The following RAB40B variants were observed in gnomAD, a reference collection of about 807,000 sequenced individuals.
RAB40B encodes the protein RAB40B, member RAS oncogene family.
A neutral mutation model predicts 24.0 loss-of-function variants in RAB40B; 21 were observed. That is an observed-to-expected ratio of 0.88 (90% CI 0.62 to 1.26). The LOEUF is 1.26. Among genes scored for constraint, RAB40B ranks in the 50% most tolerant of loss-of-function variants. The pLI is 0.00. For synonymous variants in RAB40B, 167 were observed against 169.8 expected, an observed-to-expected ratio of 0.98 and a Z score of 0.13; for missense variants, 348 against 390.5, an observed-to-expected ratio of 0.89 and a Z score of 0.92.
At chr17:82,685,048 G>C (rs1178471017) in intron 1 of RAB40B, among the ~76,000 whole-genome samples, 3 of 151,436 alleles carry the variant, frequency 2.0e-5, no homozygotes, top group African/African-American at 4.9e-5. Flanking sequence ...CAAAGGCAGG[G>C]GTTGCAGTGA....
At chr17:82,694,927 C>T (rs1196853722) in intron 1 of RAB40B, among the ~76,000 whole-genome samples, 2 of 151,754 alleles carry the variant, frequency 1.3e-5, no homozygotes, top group African/African-American at 2.4e-5. Context: ...TCTGAAAAAA[C>T]GACTGATAAT....
Position 82,698,659 on chromosome 17 carries a change from C to T in RAB40B, c.-63G>A. 2 of 1,172,106 alleles carry T rather than the reference C, an allele frequency of 1.7e-6. No individual in the cohort carries two copies. The highest frequency in any genetic ancestry group is 2.1e-6 in the Non-Finnish European group (2 of 942,874). The allele number at this position is 1,172,106 out of a possible 1,614,324, so 72.6% of individuals were successfully genotyped here. A position where few individuals can be genotyped will look rare whatever the true frequency, so the allele number is the denominator to read the frequency against. On this transcript the variant is annotated 5_prime_UTR_variant, in exon 1 of 6. Coordinates refer to ENST00000571995, the MANE Select transcript of RAB40B (RefSeq NM_006822.3). ...GGGGCTGAGCGCAGAGGCGGCGGCC[C>T]GGCCCCGAGAGGCGCCGCGCGGGCC...
rs1255210657 is a variant in RAB40B at position 82,667,913 on chromosome 17, G to C, written c.143-3357C>G. 6.6e-6 allele frequency among the ~76,000 whole-genome samples: 1 copy of C among 152,140 alleles called. No homozygotes were observed. Among genetic ancestry groups the C allele is most frequent in the African/African-American group, 2.4e-5 (1 of 41,436 alleles). Reference sequence around the variant, plus strand: ...AGCAGGCACGCTGAGTGCACCGTCTGTCTCTCTCTTCTTGGCATGGGCGCT... The same window carrying C: ...AGCAGGCACGCTGAGTGCACCGTCTCTCTCTCTCTTCTTGGCATGGGCGCT... On this transcript the variant is annotated intron_variant, in intron 1 of 5. Coordinates refer to ENST00000571995, the MANE Select transcript of RAB40B (RefSeq NM_006822.3). This position sits in a 1 kb window ranked among gnomAD's most constrained non-coding sequence, Gnocchi z 4.3.
At chr17:82,698,401 C>T in intron 1 of RAB40B, 54 bp downstream of exon 1, 3 of 1,071,216 alleles carry the variant, frequency 2.8e-6, no homozygotes, top group Non-Finnish European at 3.5e-6. Flanking sequence ...CCCAGCCCCG[C>T]GCCCCTCCCC....
At chr17:82,660,398 CAG>C (rs1555654947) in intron 3 of RAB40B, among the ~76,000 whole-genome samples, 1,528 of 149,722 alleles carry the variant, frequency 0.01, 10 homozygotes, top group Middle Eastern at 0.027. Context: ...CACGCATACA[CAG>C]GGCATGTACC....
At chr17:82,698,227 G>C (rs1375578975) in intron 1 of RAB40B, among the ~76,000 whole-genome samples, 2 of 151,826 alleles carry the variant, frequency 1.3e-5, no homozygotes, top group African/African-American at 4.8e-5. Context: ...CGCAGCACGA[G>C]GGCCAGGGCC....
rs918123956 is a variant in RAB40B, at chr17:82,677,892, A to G, written c.143-13336T>C. Among the ~76,000 whole-genome samples, 13 of 152,304 alleles carry G rather than the reference A, an allele frequency of 8.5e-5. No homozygotes were observed. The South Asian group carries it at 2.7e-3, about 32-fold the overall frequency. On this transcript the variant is annotated intron_variant, in intron 1 of 5. Coordinates refer to ENST00000571995, the MANE Select transcript of RAB40B (RefSeq NM_006822.3). ...CAGCCACAGCCCAGAACGTCTGGAC[A>G]CTGGGCCCAGCGAGCAGCGACCAAA... is the stretch of plus-strand genomic sequence containing the variant.
At chr17:82,686,069 T>TG (rs1238069015) in intron 1 of RAB40B, among the ~76,000 whole-genome samples, 1 of 150,498 alleles carries the variant, frequency 6.6e-6, no homozygotes, top group Middle Eastern at 3.2e-3. Flanking sequence ...CCCAAAGTGC[T>TG]GGGATTACAG....
chr17:82,690,830 G>A (rs1598318477), intron 1 of RAB40B, among the ~76,000 whole-genome samples: 1 of 152,046 alleles, frequency 6.6e-6, no homozygotes, highest in African/African-American at 2.4e-5. Context: ...GAGTGTGCAC[G>A]TGTGTCCAGG....
rs2046616825 is a variant in RAB40B at position 82,697,074 on chromosome 17, CAG to C, written c.142+1379_142+1380del. ...AGCACACTCTGCACCCACCAGCTGCCAGAGACTCCCCCGCATGCTGCAGTTTC... is the reference window on the plus strand; with the variant it reads ...AGCACACTCTGCACCCACCAGCTGCCAGACTCCCCCGCATGCTGCAGTTTC... On this transcript the variant is annotated intron_variant, in intron 1 of 5. Coordinates refer to ENST00000571995, the MANE Select transcript of RAB40B (RefSeq NM_006822.3). The surrounding 1 kb of genome is among the most constrained non-coding windows in gnomAD (Gnocchi z 4.9). Among the ~76,000 whole-genome samples, 1 of 152,130 alleles carries C rather than the reference CAG, an allele frequency of 6.6e-6. No individual in the cohort carries two copies. The highest frequency in any genetic ancestry group is 1.5e-5 in the Non-Finnish European group (1 of 68,010).
chr17:82,658,376 C>T (rs929022533), intron 5 of RAB40B, 115 bp downstream of exon 5: 36 of 1,253,534 alleles, frequency 2.9e-5, no homozygotes, highest in East Asian at 1.4e-4. Flanking sequence ...GCTCTGAGAA[C>T]GGACACAGTG....
chr17:82,698,317 CA>C, intron 1 of RAB40B, 137 bp downstream of exon 1: 1 of 839,412 alleles, frequency 1.2e-6, no homozygotes, highest in Non-Finnish European at 1.5e-6. Flanking sequence ...CCTCCCCGGC[CA>C]CGCGCCCCGG....
In RAB40B at chr17:82,658,049, G is replaced by A; in HGVS notation, c.651C>T (p.Ala217=). Residue 217 remains alanine (A), a synonymous_variant, in exon 6 of 6, where the codon GCC becomes GCT. Coordinates refer to ENST00000571995, the MANE Select transcript of RAB40B (RefSeq NM_006822.3). ...AGAAGGACTTGAGGTGGCTTCTTAAGGCAATGGGGAGCGGGAGCTTGTCCA... is the reference window on the plus strand; with the variant it reads ...AGAAGGACTTGAGGTGGCTTCTTAAAGCAATGGGGAGCGGGAGCTTGTCCA... ...HLVDKLPLPI[A]LRSHLKSFSM... 6.2e-7 allele frequency: 1 copy of A among 1,614,208 alleles called. No homozygotes were observed. The highest frequency in any genetic ancestry group is 1.1e-5 in the South Asian group (1 of 91,084).
chr17:82,691,443 C>G (rs1465141232), intron 1 of RAB40B, among the ~76,000 whole-genome samples: 1 of 151,954 alleles, frequency 6.6e-6, no homozygotes, highest in East Asian at 1.9e-4. Flanking sequence ...CCCAGCTACT[C>G]GGGAGGCCCA....
At chr17:82,665,890 CA>C (rs1002021556) in intron 1 of RAB40B, among the ~76,000 whole-genome samples, 77 of 121,824 alleles carry the variant, frequency 6.3e-4, no homozygotes, top group Middle Eastern at 4.1e-3. Flanking sequence ...AGAACAACAA[CA>C]AAAAAAAAAA....
chr17:82,696,797 C>T (rs936442879), intron 1 of RAB40B: 9 of 160,112 alleles, frequency 5.6e-5, no homozygotes, highest in African/African-American at 1.7e-4. Context: ...CCTCCAGGCG[C>T]TCAATCTCCA....
chr17:82,695,531 C>T (rs1159347158), intron 1 of RAB40B, among the ~76,000 whole-genome samples: 5 of 146,548 alleles, frequency 3.4e-5, no homozygotes, highest in African/African-American at 1.0e-4. Context: ...TGTTTCTCAG[C>T]GAAACATGTC....
At position 82,697,512 on chromosome 17, in the gene RAB40B, G is replaced by A. The variant is rs143452492; in HGVS notation, c.142+943C>T. Among the ~76,000 whole-genome samples the A allele has an allele frequency of 3.2e-3, 486 of 152,300 alleles. No individual in the cohort carries two copies. Among genetic ancestry groups the A allele is most frequent in the African/African-American group, 1.0e-2 (414 of 41,548 alleles). ...CTCAGAGCGGGTCTCTGTTGGAAGC[G>A]TGGGTTCAGCCCCGAGGCGCGGCAG... On this transcript the variant is annotated intron_variant, in intron 1 of 5. Transcript: ENST00000571995. The surrounding 1 kb of genome is among the most constrained non-coding windows in gnomAD (Gnocchi z 4.9).
At chr17:82,685,355 A>G (rs1459473861) in intron 1 of RAB40B, among the ~76,000 whole-genome samples, 1 of 149,994 alleles carries the variant, frequency 6.7e-6, no homozygotes, top group African/African-American at 2.5e-5. Flanking sequence ...GTGGCCGTGC[A>G]CTCAACTGAA....
Sources: gnomAD v4.1 joint callset for allele counts (sites outside exome capture counted in the v4.1 genomes callset) on GRCh38, gnomAD v4.1.1 for gene constraint, Gnocchi (gnomAD v3.1) non-coding constraint, MANE v1.5 for transcripts, NCBI Gene and HGNC (gene_info 2026-07-23, HGNC 2026-07-21) for gene names.